The following MAPK10 variants were observed in gnomAD, a reference collection of about 807,000 sequenced individuals.
MAPK10 encodes mitogen-activated protein kinase 10, also known as JNK3 alpha protein kinase.
In MAPK10, 25 loss-of-function variants were observed where a neutral mutation model predicts 59.3. The observed-to-expected ratio is 0.42, with a 90% confidence interval of 0.31 to 0.59. The LOEUF (loss-of-function observed/expected upper bound fraction) is 0.59, where lower values mean the gene tolerates loss of function less well. Ranked by LOEUF, MAPK10 falls within the 20% of genes least tolerant of loss-of-function variation. The pLI, the probability that MAPK10 is intolerant of heterozygous loss-of-function variation, is 0.15. For synonymous variants in MAPK10, 190 were observed against 200.5 expected, an observed-to-expected ratio of 0.95 and a Z score of 0.44; for missense variants, 351 against 568.9, an observed-to-expected ratio of 0.62 and a Z score of 3.90.
chr4:86,468,613 G>A (rs1457408924), intron 1 of MAPK10, among the ~76,000 whole-genome samples: 1 of 152,178 alleles, frequency 6.6e-6, no homozygotes, highest in African/African-American at 2.4e-5. Context: ...CAGCACTTTG[G>A]AAGGCCCAGG....
intron 11 of MAPK10, among the ~76,000 whole-genome samples, chr4:86,061,650 A>G (rs2045784026): frequency 6.6e-6 from 1 of 152,148 alleles, no homozygotes; most frequent in Admixed American, 6.6e-5. Context: ...TAGCATATCT[A>G]TACTCTTTTG....
intron 11 of MAPK10, among the ~76,000 whole-genome samples, chr4:86,060,084 C>A (rs1051949509): frequency 6.6e-6 from 1 of 152,208 alleles, no homozygotes; most frequent in South Asian, 2.1e-4. Context: ...TCTGGTTGAT[C>A]ACCACTGGCC....
rs540718521 is a variant in MAPK10 at position 86,111,507 on chromosome 4, T to C, written c.237-4155A>G. On this transcript the variant is annotated intron_variant, in intron 4 of 13. Coordinates refer to ENST00000641462, the MANE Select transcript of MAPK10 (RefSeq NM_138982.4). ...ATCATGTGTTTTTTGTCTTTAGTTC[T>C]GTTTGATGTGATGAACTTCATTTAT... is the stretch of plus-strand genomic sequence containing the variant. Among the ~76,000 whole-genome samples the C allele has an allele frequency of 2.6e-5, 4 of 152,350 alleles. No individual in the cohort carries two copies. In the South Asian group the frequency reaches 8.3e-4, roughly 32 times the overall value.
At chr4:86,137,906 C>A (rs1258202560) in intron 4 of MAPK10, among the ~76,000 whole-genome samples, 2 of 148,086 alleles carry the variant, frequency 1.4e-5, no homozygotes, top group South Asian at 2.2e-4. Flanking sequence ...ACTACAAACA[C>A]CTCTACGCAA....
At chr4:86,425,771 G>A (rs181036534) in intron 1 of MAPK10, among the ~76,000 whole-genome samples, 33 of 152,320 alleles carry the variant, frequency 2.2e-4, no homozygotes, top group Admixed American at 1.0e-3. Flanking sequence ...CCAGGAGTTC[G>A]AGAGCAGCCT....
intron 1 of MAPK10, among the ~76,000 whole-genome samples, chr4:86,484,436 G>A (rs991994051): frequency 1.3e-5 from 2 of 152,144 alleles, no homozygotes; most frequent in Non-Finnish European, 2.9e-5. Flanking sequence ...AGTAGTTGTG[G>A]TTGTGTGGTT....
intron 1 of MAPK10, among the ~76,000 whole-genome samples, chr4:86,412,522 C>G (rs1337590826): frequency 6.6e-6 from 1 of 152,210 alleles, no homozygotes; most frequent in Non-Finnish European, 1.5e-5. Context: ...TTCTCCCTGT[C>G]ACTTTCTGGT....
intron 11 of MAPK10, among the ~76,000 whole-genome samples, chr4:86,061,639 A>G (rs750063674): frequency 5.9e-5 from 9 of 152,176 alleles, no homozygotes; most frequent in Non-Finnish European, 1.0e-4. Flanking sequence ...CTTAGCACAC[A>G]TAGCATATCT....
chr4:86,508,231 C>T (rs1404224989), intron 1 of MAPK10, among the ~76,000 whole-genome samples: 1 of 152,060 alleles, frequency 6.6e-6, no homozygotes, highest in Non-Finnish European at 1.5e-5. Flanking sequence ...GTTAGCTCAC[C>T]TTTGATGGAT....
At chr4:86,255,114 C>T (rs2093649534) in intron 2 of MAPK10, among the ~76,000 whole-genome samples, 1 of 151,790 alleles carries the variant, frequency 6.6e-6, no homozygotes, top group Non-Finnish European at 1.5e-5. Flanking sequence ...AAAGAAGAGA[C>T]TAAATTGGAG....
chr4:86,243,036 C>G (rs1258587011), intron 2 of MAPK10, among the ~76,000 whole-genome samples: 1 of 152,200 alleles, frequency 6.6e-6, no homozygotes, highest in Non-Finnish European at 1.5e-5. Context: ...CGCGCTCACT[C>G]ACTGCCTCCC....
chr4:86,405,505 C>T (rs1417515530), intron 1 of MAPK10, among the ~76,000 whole-genome samples: 3 of 152,122 alleles, frequency 2.0e-5, no homozygotes, highest in Admixed American at 6.5e-5. Flanking sequence ...TCTTATCAAC[C>T]TTAAAGGAAC....
At chr4:86,275,820 A>G (rs557610905) in intron 2 of MAPK10, among the ~76,000 whole-genome samples, 1 of 152,158 alleles carries the variant, frequency 6.6e-6, no homozygotes, top group South Asian at 2.1e-4. Context: ...AGGCTAAAAC[A>G]TTGTTCCATC....
At chr4:86,319,430 T>C (rs1299147879) in intron 2 of MAPK10, among the ~76,000 whole-genome samples, 1 of 152,160 alleles carries the variant, frequency 6.6e-6, no homozygotes, top group Non-Finnish European at 1.5e-5. Context: ...CTAGAATAAA[T>C]ACTCTTGAAT....
chr4:86,195,420 T>G (rs2081058238), intron 2 of MAPK10, among the ~76,000 whole-genome samples: 1 of 151,474 alleles, frequency 6.6e-6, no homozygotes, highest in African/African-American at 2.4e-5. Context: ...TCAGAATGCA[T>G]AGCTGAGTGG....
At chr4:86,574,981 G>A (rs559842488) in intron 1 of MAPK10, among the ~76,000 whole-genome samples, 1 of 152,284 alleles carries the variant, frequency 6.6e-6, no homozygotes, top group African/African-American at 2.4e-5. Context: ...TGTCTATGAG[G>A]ATGTATTTGA....
rs1236297589 is a variant in MAPK10 at position 86,013,715 on chromosome 4, T to C, written c.*3513A>G. 6.6e-6 allele frequency: 1 copy of C among 152,182 alleles called. No homozygotes were observed. The highest frequency in any genetic ancestry group is 6.5e-5 in the Admixed American group (1 of 15,270). 9.4% of individuals were successfully genotyped at this position (152,182 alleles called of 1,614,324 possible). On this transcript the variant is annotated 3_prime_UTR_variant, in exon 14 of 14. Coordinates refer to ENST00000641462, the MANE Select transcript of MAPK10 (RefSeq NM_138982.4). Reference sequence around the variant, plus strand: ...ACCAGTCAGCTGCTATCAGTGTCTTTAGATAATATTTTTCTGATAACAGAT... The same window carrying C: ...ACCAGTCAGCTGCTATCAGTGTCTTCAGATAATATTTTTCTGATAACAGAT...
intron 2 of MAPK10, among the ~76,000 whole-genome samples, chr4:86,305,111 T>C: frequency 6.6e-6 from 1 of 152,238 alleles, no homozygotes; most frequent in Non-Finnish European, 1.5e-5. Flanking sequence ...ATTATGCACC[T>C]ATATTATACT....
chr4:86,576,666 T>C (rs1354516023), intron 1 of MAPK10, among the ~76,000 whole-genome samples: 1 of 151,856 alleles, frequency 6.6e-6, no homozygotes, highest in Admixed American at 6.6e-5. Context: ...CCCAGCTAAC[T>C]TGGGAGGCTG....
Sources: allele counts gnomAD v4.1 joint callset (sites outside exome capture counted in the v4.1 genomes callset), GRCh38; gene constraint gnomAD v4.1.1; transcripts MANE v1.5; gene names NCBI Gene and HGNC (gene_info 2026-07-23, HGNC 2026-07-21).